Variants in RB1 observed in about 807,000 individuals in gnomAD.
The protein encoded by RB1 is retinoblastoma-associated protein.
A neutral mutation model predicts 135.4 loss-of-function variants in RB1; 18 were observed. That is an observed-to-expected ratio of 0.13 (90% CI 0.09 to 0.20). The LOEUF (loss-of-function observed/expected upper bound fraction) is 0.20. RB1 is among the 10% of genes least tolerant of loss of function. The probability of loss-of-function intolerance (pLI) is 1.00; values close to 1 mark genes in which losing one functional copy is unlikely to be tolerated. For missense variants in RB1, 868 were observed against 1,110.0 expected (o/e 0.78, Z 3.10); for synonymous variants, 365 against 373.2 (o/e 0.98, Z 0.25).
chr13:48,325,096 C>T (rs184043194), intron 2 of RB1, among the ~76,000 whole-genome samples: 6 of 152,002 alleles, frequency 3.9e-5, no homozygotes. Flanking sequence ...AGTCCAATAC[C>T]TACTAGTTGT....
At chr13:48,428,434 C>T (rs898218034) in intron 17 of RB1, among the ~76,000 whole-genome samples, 2 of 150,918 alleles carry the variant, frequency 1.3e-5, no homozygotes, top group Non-Finnish European at 2.9e-5. Flanking sequence ...CATTTCAACA[C>T]GAGTCATCTT....
At chr13:48,472,351 C>G (rs1320766390) in intron 23 of RB1, among the ~76,000 whole-genome samples, 1 of 152,110 alleles carries the variant, frequency 6.6e-6, no homozygotes, top group Non-Finnish European at 1.5e-5. Flanking sequence ...TACAAATGCT[C>G]TCATGTGTCT....
At chr13:48,342,540 A>T in intron 2 of RB1, 59 bp from the exon 3 acceptor site, 1 of 1,035,140 alleles carries the variant, frequency 9.7e-7, no homozygotes, top group Non-Finnish European at 1.5e-6. Context: ...CAGTTTTAAC[A>T]TAGTATCCAG....
At chr13:48,454,484 A>G (rs1222389012) in intron 18 of RB1, among the ~76,000 whole-genome samples, 1 of 152,206 alleles carries the variant, frequency 6.6e-6, no homozygotes, top group Non-Finnish European at 1.5e-5. Context: ...AGTCATCTGT[A>G]AACTGCCAGG....
intron 2 of RB1, among the ~76,000 whole-genome samples, chr13:48,320,969 G>A (rs930728504): frequency 6.6e-6 from 1 of 152,156 alleles, no homozygotes; most frequent in African/African-American, 2.4e-5. Flanking sequence ...TTCTTGACCT[G>A]ACCAACGAGC....
Position 48,319,281 on chromosome 13 carries a change from G to A in RB1, c.264+11875G>A. 2.6e-6 allele frequency: 2 copies of A among 760,790 alleles called. No individual in the cohort carries two copies. The highest frequency in any genetic ancestry group is 4.1e-6 in the Non-Finnish European group (2 of 492,698). 47.1% of individuals were successfully genotyped at this position (760,790 alleles called of 1,614,324 possible). On this transcript the variant is annotated intron_variant, in intron 2 of 26. Transcript: ENST00000267163. This position sits in a 1 kb window ranked among gnomAD's most constrained non-coding sequence, Gnocchi z 5.0. Reference sequence around the variant, plus strand: ...TTGTGGCGCTGCTTGTGCTGTGTGCGGGGTCAGGCGTCCTCTCTCCTCCCG... The same window carrying A: ...TTGTGGCGCTGCTTGTGCTGTGTGCAGGGTCAGGCGTCCTCTCTCCTCCCG...
Position 48,463,793 on chromosome 13 carries a change from C to G in RB1, c.2169C>G (p.Ile723Met), listed in dbSNP as rs1242344423. The G allele has an allele frequency of 1.9e-6, 3 of 1,607,544 alleles. No homozygotes were observed. The highest frequency in any genetic ancestry group is 2.6e-6 in the Non-Finnish European group (3 of 1,174,360). The change falls in exon 21 of 27, where the codon ATC (isoleucine) becomes ATG (methionine). Residue 723 changes from isoleucine (I) to methionine (M), a missense_variant. Physicochemically the swap from Ile to Met is conservative, Grantham distance 10. Coordinates refer to ENST00000267163, the MANE Select transcript of RB1 (RefSeq NM_000321.3). ...KVKNIDLKFK[I>M]IVTAYKDLPH... ...AGAATATAGACCTTAAATTCAAAATCATTGTAACAGCATACAAGGATCTTC... is the reference window on the plus strand; with the variant it reads ...AGAATATAGACCTTAAATTCAAAATGATTGTAACAGCATACAAGGATCTTC...
intron 2 of RB1, among the ~76,000 whole-genome samples, chr13:48,308,391 A>G (rs1952104011): frequency 6.6e-6 from 1 of 151,954 alleles, no homozygotes; most frequent in Non-Finnish European, 1.5e-5. Context: ...TGGTGGCTCA[A>G]ACCTGTAATC....
intron 24 of RB1, among the ~76,000 whole-genome samples, chr13:48,474,029 A>G (rs1450519536): frequency 2.0e-5 from 3 of 152,166 alleles, no homozygotes; most frequent in African/African-American, 7.2e-5. Flanking sequence ...GATACAAATG[A>G]ACAGCCAGAT....
intron 17 of RB1, among the ~76,000 whole-genome samples, chr13:48,388,424 T>C (rs1179201725): frequency 6.6e-6 from 1 of 152,202 alleles, no homozygotes; most frequent in Non-Finnish European, 1.5e-5. Context: ...GAAAGAAATC[T>C]AGGCTAAGAT....
rs4151602 is a variant in RB1 at position 48,465,582 on chromosome 13, G to T, written c.2489+214G>T. ...AAGATGGCCGAATAGGAACAGCTCC[G>T]GTCTACAGCTCCCAGCGTGAGCGAC... is the stretch of plus-strand genomic sequence containing the variant. On this transcript the variant is annotated intron_variant, in intron 23 of 26. Coordinates refer to ENST00000267163, the MANE Select transcript of RB1 (RefSeq NM_000321.3). Among the ~76,000 whole-genome samples the T allele has an allele frequency of 0.018, 2,771 of 152,106 alleles. 72 individuals are homozygous for T. Among genetic ancestry groups the T allele is most frequent in the African/African-American group, 0.059 (2,447 of 41,482 alleles).
chr13:48,436,881 T>TA (rs1413685756), intron 17 of RB1, among the ~76,000 whole-genome samples: 2 of 152,176 alleles, frequency 1.3e-5, no homozygotes, highest in African/African-American at 4.8e-5. Context: ...TAATATTCCT[T>TA]AAAATACCCA....
chr13:48,324,004 T>C (rs1404474912), intron 2 of RB1, among the ~76,000 whole-genome samples: 1 of 152,076 alleles, frequency 6.6e-6, no homozygotes, highest in African/African-American at 2.4e-5. Context: ...TCACACTTTA[T>C]AGTAATAAAG....
intron 2 of RB1, among the ~76,000 whole-genome samples, chr13:48,342,297 T>A (rs999021148): frequency 6.6e-6 from 1 of 151,946 alleles, no homozygotes; most frequent in Non-Finnish European, 1.5e-5. Context: ...CATTGGATTA[T>A]TGAAAAATGA....
intron 4 of RB1, among the ~76,000 whole-genome samples, chr13:48,346,541 G>GT (rs58636043): frequency 1 from 151,708 of 151,730 alleles, 75,843 homozygotes; most frequent in Middle Eastern, 1. Context: ...TTGCTTTAGA[G>GT]TTTTTTTGGT....
chr13:48,321,566 G>A (rs944782120), intron 2 of RB1, among the ~76,000 whole-genome samples: 2 of 151,976 alleles, frequency 1.3e-5, no homozygotes, highest in Non-Finnish European at 2.9e-5. Flanking sequence ...TTTGAAAAAT[G>A]TCCGTTTGGC....
intron 17 of RB1, among the ~76,000 whole-genome samples, chr13:48,434,455 G>A (rs2138287512): frequency 6.6e-6 from 1 of 152,086 alleles, no homozygotes; most frequent in East Asian, 1.9e-4. Context: ...TATCCAACAA[G>A]CCTAAGACTC....
At chr13:48,363,186 C>T (rs1952659340) in intron 8 of RB1, among the ~76,000 whole-genome samples, 1 of 150,170 alleles carries the variant, frequency 6.7e-6, no homozygotes, top group Admixed American at 6.6e-5. Context: ...ATAATCAAGA[C>T]AATAGTTTTC....
chr13:48,389,450 C>A (rs1285146830), intron 17 of RB1: 1 of 152,052 alleles, frequency 6.6e-6, no homozygotes, highest in Non-Finnish European at 1.5e-5. Context: ...AGTAAAGATA[C>A]AGCTTGATGT....
Sources: allele counts gnomAD v4.1 joint callset (sites outside exome capture counted in the v4.1 genomes callset), GRCh38; gene constraint gnomAD v4.1.1; non-coding constraint Gnocchi (gnomAD v3.1); transcripts MANE v1.5; gene names NCBI Gene and HGNC (gene_info 2026-07-23, HGNC 2026-07-21).